Variants in SYN3 observed in about 807,000 individuals in gnomAD.
SYN3 encodes the protein synapsin III, also known as synapsin-3.
SYN3 carries 35 observed loss-of-function variants against 65.8 expected under a neutral mutation model. The ratio of observed to expected loss-of-function variants is 0.53; its 90% confidence interval spans 0.41 to 0.70. SYN3 has a LOEUF of 0.70. SYN3 is among the 30% of genes least tolerant of loss of function. The pLI, the probability that SYN3 is intolerant of heterozygous loss-of-function variation, is 0.00. For synonymous variants in SYN3, 270 were observed against 292.9 expected (o/e 0.92, Z 0.80); for missense variants, 680 against 749.0 (o/e 0.91, Z 1.08).
chr22:32,992,999 G>A (rs1273948448), intron 2 of SYN3, among the ~76,000 whole-genome samples: 1 of 151,976 alleles, frequency 6.6e-6, no homozygotes, highest in Non-Finnish European at 1.5e-5. Context: ...AGTCCTGGTG[G>A]GACTGTCCCA....
intron 6 of SYN3, among the ~76,000 whole-genome samples, chr22:32,778,479 A>G (rs2045959854): frequency 6.6e-6 from 1 of 152,022 alleles, no homozygotes; most frequent in Admixed American, 6.6e-5. Flanking sequence ...TTTTTAGTAG[A>G]GATGGAGTTT....
intron 6 of SYN3, among the ~76,000 whole-genome samples, chr22:32,696,341 G>A (rs565662514): frequency 3.4e-4 from 52 of 152,352 alleles, no homozygotes; most frequent in African/African-American, 1.3e-3. Context: ...GCTGAGAAAT[G>A]TGGTCCCTGC....
intron 3 of SYN3, among the ~76,000 whole-genome samples, chr22:32,977,442 G>C (rs1015094344): frequency 2.0e-5 from 3 of 152,180 alleles, no homozygotes; most frequent in Non-Finnish European, 4.4e-5. Flanking sequence ...GGAAAACCCA[G>C]ATTTTTGAGG....
chr22:32,552,165 G>A (rs575228325), intron 7 of SYN3, among the ~76,000 whole-genome samples: 1 of 152,208 alleles, frequency 6.6e-6, no homozygotes, highest in East Asian at 1.9e-4. Flanking sequence ...AGAATCGCTT[G>A]AACCCGGGAG....
Position 32,891,158 on chromosome 22 carries a change from C to T in SYN3, c.462-22033G>A, listed in dbSNP as rs79717826. ...GAGGAGCTGAGGTGGCAGCAGCTTC[C>T]AGACTTTGCTTTCTGAATCCCAGCT... On this transcript the variant is annotated intron_variant, in intron 4 of 13. Coordinates refer to ENST00000358763, the MANE Select transcript of SYN3 (RefSeq NM_003490.4). 2.6e-3 allele frequency among the ~76,000 whole-genome samples: 401 copies of T among 152,288 alleles called. 2 individuals carry two copies. Among genetic ancestry groups the T allele is most frequent in the African/African-American group, 9.1e-3 (378 of 41,560 alleles).
Position 32,849,433 on chromosome 22 carries a change from T to A in SYN3, c.711+15482A>T, listed in dbSNP as rs1244315511. ...TTCAGGCCTTCCTAACCTCTTATTGTCTCCTTCTGTCTCTGCAGTGATCCG... is the reference window on the plus strand; with the variant it reads ...TTCAGGCCTTCCTAACCTCTTATTGACTCCTTCTGTCTCTGCAGTGATCCG... On this transcript the variant is annotated intron_variant, in intron 6 of 13. Transcript: ENST00000358763. 1.7e-5 allele frequency: 27 copies of A among 1,611,946 alleles called. No individual in the cohort carries two copies. Among genetic ancestry groups the A allele is most frequent in the Non-Finnish European group, 2.2e-5 (26 of 1,178,882 alleles).
In SYN3 at chr22:32,513,450, G is replaced by C. The variant is rs2057717779; in HGVS notation, c.*242C>G. 4.4e-6 allele frequency: 2 copies of C among 450,730 alleles called. No homozygotes were observed. Among genetic ancestry groups the C allele is most frequent in the African/African-American group, 2.0e-5 (1 of 51,152 alleles). 27.9% of individuals were successfully genotyped at this position (450,730 alleles called of 1,614,324 possible). ...AGAGGGTGTGATGCCCATCGCTCAG[G>C]CCTGTTTTGAGGAACCTGGAGGCTC... On this transcript the variant is annotated 3_prime_UTR_variant, in exon 14 of 14. Coordinates refer to ENST00000358763, the MANE Select transcript of SYN3 (RefSeq NM_003490.4).
At chr22:32,824,753 G>A (rs2047352427) in intron 6 of SYN3, among the ~76,000 whole-genome samples, 3 of 152,168 alleles carry the variant, frequency 2.0e-5, no homozygotes, top group South Asian at 4.2e-4. Flanking sequence ...TTGTTCTTTC[G>A]CTTCTGAACC....
At chr22:32,669,175 A>C (rs1262705675) in intron 6 of SYN3, among the ~76,000 whole-genome samples, 1 of 152,206 alleles carries the variant, frequency 6.6e-6, no homozygotes, top group Non-Finnish European at 1.5e-5. Flanking sequence ...CACTAAGGCT[A>C]GTCCTTTAAC....
rs113557956 is a variant in SYN3, at chr22:33,047,592, G to C, written c.-163+10700C>G. Reference sequence around the variant, plus strand: ...CTGGCAGGAGGTGCCAGGCTATAAGGACAGCATTCTTAGAGTAATGTCATG... The same window carrying C: ...CTGGCAGGAGGTGCCAGGCTATAAGCACAGCATTCTTAGAGTAATGTCATG... On this transcript the variant is annotated intron_variant, in intron 1 of 13. Coordinates refer to ENST00000358763, the MANE Select transcript of SYN3 (RefSeq NM_003490.4). Among the ~76,000 whole-genome samples, 91 of 152,152 alleles carry C rather than the reference G, an allele frequency of 6.0e-4. 1 individual carries two copies. In the Middle Eastern group the frequency reaches 0.014, roughly 23 times the overall value.
chr22:32,857,873 T>C (rs1346320148), intron 6 of SYN3: 1 of 1,241,436 alleles, frequency 8.1e-7, no homozygotes, highest in Non-Finnish European at 1.2e-6. Flanking sequence ...TAAAAGGTGT[T>C]GGGTAGGGTG....
intron 6 of SYN3, among the ~76,000 whole-genome samples, chr22:32,642,446 T>A (rs572885853): frequency 0.28 from 42,406 of 150,854 alleles, 6,418 homozygotes; most frequent in African/African-American, 0.37. Context: ...CTTTTTATTT[T>A]ATTTTTTTAA....
At chr22:32,980,854 C>CTTTTTTTTTTT (rs36093480) in intron 2 of SYN3, 152 bp from the exon 3 acceptor site, 1 of 485,798 alleles carries the variant, frequency 2.1e-6, no homozygotes, top group Non-Finnish European at 3.6e-6. Flanking sequence ...TTTTCTCAGT[C>CTTTTTTTTTTT]TTTTTTTTTT....
intron 7 of SYN3, among the ~76,000 whole-genome samples, chr22:32,571,103 G>GT (rs1364647062): frequency 3.3e-5 from 5 of 152,160 alleles, no homozygotes; most frequent in Non-Finnish European, 2.9e-5. Context: ...CATGACCACA[G>GT]TCCACTCCAT....
At chr22:32,828,623 G>A (rs1052375745) in intron 6 of SYN3, among the ~76,000 whole-genome samples, 1 of 152,236 alleles carries the variant, frequency 6.6e-6, no homozygotes, top group Admixed American at 6.5e-5. Flanking sequence ...CCCAGGGACA[G>A]GAAGTGACCT....
rs576481472 is a variant in SYN3, at chr22:32,895,696, C to T, written c.462-26571G>A. On this transcript the variant is annotated intron_variant, in intron 4 of 13. Coordinates refer to ENST00000358763, the MANE Select transcript of SYN3 (RefSeq NM_003490.4). ...GCATTCCTGACGCATGCAATTATCT[C>T]CCATCTCTAAGCCTTATTTCTCGGG... Among the ~76,000 whole-genome samples the T allele has an allele frequency of 2.6e-5, 4 of 152,310 alleles. No homozygotes were observed. In the South Asian group the frequency reaches 8.3e-4, roughly 32 times the overall value.
At chr22:32,814,045 A>G (rs2046989269) in intron 6 of SYN3, among the ~76,000 whole-genome samples, 1 of 151,670 alleles carries the variant, frequency 6.6e-6, no homozygotes, top group Admixed American at 6.6e-5. Context: ...ATTCAATAAA[A>G]GTATCATGAA....
intron 4 of SYN3, among the ~76,000 whole-genome samples, chr22:32,918,678 G>T (rs1258302424): frequency 6.6e-6 from 1 of 152,196 alleles, no homozygotes; most frequent in Non-Finnish European, 1.5e-5. Context: ...CATGAGATCA[G>T]AAACTCAGTA....
At chr22:32,998,988 C>T (rs1227595076) in intron 2 of SYN3, among the ~76,000 whole-genome samples, 1 of 152,072 alleles carries the variant, frequency 6.6e-6, no homozygotes, top group Non-Finnish European at 1.5e-5. Context: ...ATGCCCAGTA[C>T]AAGTTATCCT....
Sources: gnomAD v4.1 joint callset for allele counts (sites outside exome capture counted in the v4.1 genomes callset) on GRCh38, gnomAD v4.1.1 for gene constraint, MANE v1.5 for transcripts, NCBI Gene and HGNC (gene_info 2026-07-23, HGNC 2026-07-21) for gene names.